GDA: variants seen among roughly 807,000 people sequenced by gnomAD.
GDA encodes cytoplasmic PSD-95 interactor.
A neutral mutation model predicts 59.6 loss-of-function variants in GDA; 18 were observed. The observed-to-expected ratio is 0.30, with a 90% CI of 0.21 to 0.45. The LOEUF (loss-of-function observed/expected upper bound fraction) is 0.45. Among genes scored for constraint, GDA ranks in the 20% least tolerant of loss-of-function variants. The pLI, the probability that GDA is intolerant of heterozygous loss-of-function variation, is 1.00. For missense variants in GDA, 427 were observed against 552.3 expected (o/e 0.77, Z 2.27); for synonymous variants, 201 against 201.1 (o/e 1.00, Z 0.00).
Position 72,213,923 on chromosome 9 carries a change from C to T in GDA, c.510C>T (p.Cys170=). The T allele has an allele frequency of 6.2e-7, 1 of 1,611,628 alleles. No homozygotes were observed. The highest frequency in any genetic ancestry group is 2.2e-5 in the East Asian group (1 of 44,862). The change falls in exon 5 of 14, where the codon TGC becomes TGT. Residue 170 remains cysteine, a synonymous_variant. Transcript: ENST00000358399. ...FGQRAFVGKV[C]MDLNDTFPEY... is the part of the protein sequence containing the mutation. ...AGCGGGCATTTGTGGGCAAAGTTTG[C>T]ATGGATTTGAATGACACTTTTCCAG...
chr9:72,154,656 C>T (rs1157876532), intron 1 of GDA, among the ~76,000 whole-genome samples: 1 of 152,222 alleles, frequency 6.6e-6, no homozygotes, highest in Admixed American at 6.5e-5. Flanking sequence ...CTCTTTTAGA[C>T]TTGACAATGT....
At chr9:72,161,022 G>A (rs1436813737) in intron 1 of GDA, among the ~76,000 whole-genome samples, 2 of 151,550 alleles carry the variant, frequency 1.3e-5, no homozygotes, top group Admixed American at 1.3e-4. Context: ...TTCTCCACCC[G>A]CCACCTCTCA....
intron 1 of GDA, among the ~76,000 whole-genome samples, chr9:72,137,429 A>G (rs551007129): frequency 2.0e-5 from 3 of 151,796 alleles, no homozygotes; most frequent in South Asian, 4.2e-4. Flanking sequence ...TTGTATTTTT[A>G]GTAGAGATGG....
chr9:72,178,971 T>C (rs2131049746), intron 1 of GDA, among the ~76,000 whole-genome samples: 1 of 152,326 alleles, frequency 6.6e-6, no homozygotes, highest in South Asian at 2.1e-4. Context: ...GTAAACAAAC[T>C]GTCTTCTCCA....
chr9:72,214,584 A>G (rs1725208458), intron 5 of GDA, among the ~76,000 whole-genome samples: 1 of 151,842 alleles, frequency 6.6e-6, no homozygotes, highest in South Asian at 2.1e-4. Flanking sequence ...GTGAGCCACC[A>G]CGCCCAGCCC....
chr9:72,152,966 C>T (rs1307546955), intron 1 of GDA, among the ~76,000 whole-genome samples: 4 of 151,698 alleles, frequency 2.6e-5, no homozygotes, highest in Non-Finnish European at 4.4e-5. Context: ...TTAATTTTTG[C>T]ATAAGGTGTA....
At chr9:72,237,041 C>T (rs192257865) in intron 10 of GDA, among the ~76,000 whole-genome samples, 2 of 152,162 alleles carry the variant, frequency 1.3e-5, no homozygotes, top group Admixed American at 1.3e-4. Context: ...TGGCCTCCCA[C>T]AGTGCTGGGA....
chr9:72,237,470 C>T (rs1429357243), intron 10 of GDA, among the ~76,000 whole-genome samples: 1 of 152,166 alleles, frequency 6.6e-6, no homozygotes, highest in African/African-American at 2.4e-5. Context: ...TCCTCTGGGC[C>T]ATTTGAAAGC....
chr9:72,235,266 C>G (rs185971128), intron 10 of GDA, among the ~76,000 whole-genome samples: 1 of 152,044 alleles, frequency 6.6e-6, no homozygotes, highest in East Asian at 1.9e-4. Flanking sequence ...TTCCTGGGAC[C>G]GAAATACATG....
chr9:72,202,609 A>G lies in GDA; in HGVS notation c.251A>G (p.His84Arg). The part of the protein sequence containing the change: ...FMPGLVDTHI[H>R]ASQYSFAGSS... Reference sequence around the variant, plus strand: ...CCTGGGCTGGTTGATACACACATCCATGCCTCTCAGTATTCCTTTGCTGGA... The same window carrying G: ...CCTGGGCTGGTTGATACACACATCCGTGCCTCTCAGTATTCCTTTGCTGGA... Residue 84 changes from histidine to arginine, a missense_variant, in exon 3 of 14, where the codon CAT becomes CGT. His to Arg is a conservative substitution (Grantham distance 29). Coordinates refer to ENST00000358399, the MANE Select transcript of GDA (RefSeq NM_004293.5). 1 of 1,612,400 alleles carries G rather than the reference A, an allele frequency of 6.2e-7. No homozygotes were observed. Among genetic ancestry groups the G allele is most frequent in the South Asian group, 1.1e-5 (1 of 91,024 alleles).
chr9:72,248,578 GACTT>G lies in GDA; in HGVS notation c.*241_*244del, dbSNP rs1210992814. 85 of 1,301,584 alleles carry G rather than the reference GACTT, an allele frequency of 6.5e-5. No homozygotes were observed. Among genetic ancestry groups the G allele is most frequent in the Non-Finnish European group, 8.2e-5 (84 of 1,024,420 alleles). 80.6% of individuals were successfully genotyped at this position (1,301,584 alleles called of 1,614,324 possible). ...AAATATCTCCCTTTGGAGCTGCTCA[GACTT>G]ACTTTAAGCTCAAACAGAAGGGAAT... On this transcript the variant is annotated 3_prime_UTR_variant, in exon 14 of 14. Transcript: ENST00000358399.
At chr9:72,165,460 T>C (rs1174500965) in intron 1 of GDA, among the ~76,000 whole-genome samples, 4 of 152,190 alleles carry the variant, frequency 2.6e-5, no homozygotes, top group African/African-American at 9.7e-5. Context: ...GGCATTATTT[T>C]CCTATAAATG....
Position 72,196,622 on chromosome 9 carries a change from C to T in GDA, c.212+1034C>T, listed in dbSNP as rs574396160. 3.0e-4 allele frequency among the ~76,000 whole-genome samples: 45 copies of T among 151,968 alleles called. No homozygotes were observed. In the South Asian group the frequency reaches 8.9e-3, roughly 30 times the overall value. ...TAAGTTCTGGGATACATGTGCAGAA[C>T]GTGCAGGTTTGTTACACAGGTATAC... On this transcript the variant is annotated intron_variant, in intron 2 of 13. Coordinates refer to ENST00000358399, the MANE Select transcript of GDA (RefSeq NM_004293.5).
chr9:72,245,125 G>C, intron 11 of GDA, 23 bp from the exon 12 acceptor site: 1 of 1,612,414 alleles, frequency 6.2e-7, no homozygotes, highest in Non-Finnish European at 8.5e-7. Context: ...AATCCTGACT[G>C]TTTATTCACT....
intron 1 of GDA, among the ~76,000 whole-genome samples, chr9:72,172,057 A>G (rs1830032296): frequency 1.3e-5 from 2 of 152,284 alleles, no homozygotes; most frequent in Admixed American, 6.5e-5. Flanking sequence ...AGAAACACCT[A>G]AAAAATTTAT....
At chr9:72,144,145 C>A (rs1468397999) in intron 1 of GDA, among the ~76,000 whole-genome samples, 3 of 152,146 alleles carry the variant, frequency 2.0e-5, no homozygotes, top group East Asian at 1.9e-4. Flanking sequence ...TCCCTTGAGC[C>A]TGGGAGGCAG....
At chr9:72,149,719 G>T in intron 1 of GDA, 37 bp downstream of exon 1, 1 of 1,563,106 alleles carries the variant, frequency 6.4e-7, no homozygotes, top group South Asian at 1.2e-5. Flanking sequence ...TCCGACGGGC[G>T]GGAGGATAGG....
At chr9:72,179,435 G>A (rs967360719) in intron 1 of GDA, among the ~76,000 whole-genome samples, 15 of 152,330 alleles carry the variant, frequency 9.8e-5, no homozygotes, top group Non-Finnish European at 1.9e-4. Flanking sequence ...TGGTAAATCA[G>A]AGAGGTTAAG....
chr9:72,180,010 G>A (rs1381706741), intron 1 of GDA, among the ~76,000 whole-genome samples: 2 of 151,858 alleles, frequency 1.3e-5, no homozygotes, highest in African/African-American at 4.8e-5. Context: ...ATTAAATTGG[G>A]GTGGGAGGGG....
Sources: allele counts gnomAD v4.1 joint callset (sites outside exome capture counted in the v4.1 genomes callset), GRCh38; gene constraint gnomAD v4.1.1; transcripts MANE v1.5; gene names NCBI Gene and HGNC (gene_info 2026-07-23, HGNC 2026-07-21).